GAPVD1: variants seen among roughly 807,000 people sequenced by gnomAD.
The protein encoded by GAPVD1 is GTPase-activating protein and VPS9 domain-containing protein 1.
In GAPVD1, 35 loss-of-function variants were observed where a neutral mutation model predicts 155.5. The observed-to-expected ratio is 0.23, with a 90% CI of 0.17 to 0.30. The LOEUF (loss-of-function observed/expected upper bound fraction) is 0.30. GAPVD1 is among the 10% of genes least tolerant of loss of function. The pLI, the probability that GAPVD1 is intolerant of heterozygous loss-of-function variation, is 1.00. For missense variants in GAPVD1, 1,429 were observed against 1,775.7 expected, an observed-to-expected ratio of 0.80 and a Z score of 3.51; for synonymous variants, 636 against 619.7, an observed-to-expected ratio of 1.03 and a Z score of -0.39.
At position 125,334,270 on chromosome 9, in the gene GAPVD1, T is replaced by TAAA. The variant is rs780577226; in HGVS notation, c.2428+1661_2428+1663dup. Among the ~76,000 whole-genome samples the TAAA allele has an allele frequency of 9.6e-5, 10 of 104,444 alleles. No individual in the cohort carries two copies. The East Asian group carries it at 2.1e-3, about 22-fold the overall frequency. The allele number at this position is 104,444 out of a possible 152,430, so 68.5% of individuals were successfully genotyped here. On this transcript the variant is annotated intron_variant, in intron 15 of 27. Transcript: ENST00000297933. ...CCACACTGTATTCTTCACTCACAGT[T>TAAA]AAAAAAAAAAAAAAAAAAAAAAGTT...
chr9:125,321,600 A>G (rs763839012), intron 10 of GAPVD1, 38 bp downstream of exon 10: 9 of 1,582,324 alleles, frequency 5.7e-6, no homozygotes, highest in Non-Finnish European at 7.8e-6. Flanking sequence ...GTGTGGTTCA[A>G]TTAATAGTTT....
chr9:125,360,827 C>T (rs1357254637), intron 27 of GAPVD1, 102 bp downstream of exon 27: 1 of 842,838 alleles, frequency 1.2e-6, no homozygotes, highest in Admixed American at 2.1e-5. Flanking sequence ...TTCCAAGTCA[C>T]AAGCTCTGGG....
chr9:125,278,451 G>T (rs1423305723), intron 2 of GAPVD1, among the ~76,000 whole-genome samples: 1 of 152,130 alleles, frequency 6.6e-6, no homozygotes. Flanking sequence ...AACCTGGGAG[G>T]CGGAGGTTGC....
At chr9:125,271,422 AAAGAC>A (rs1351427078) in intron 2 of GAPVD1, among the ~76,000 whole-genome samples, 1 of 152,192 alleles carries the variant, frequency 6.6e-6, no homozygotes, top group Non-Finnish European at 1.5e-5. Context: ...CTATCAGAAA[AAAGAC>A]AAAACAAAAT....
In GAPVD1 at chr9:125,298,372, GCTTATCTGTATTTACCAATTTT is replaced by G. The variant is rs1840217295; in HGVS notation, c.-32-517_-32-496del. On this transcript the variant is annotated intron_variant, in intron 3 of 27. Coordinates refer to ENST00000297933, the MANE Select transcript of GAPVD1 (RefSeq NM_001282680.3). ...TAGCAGTGAGCTTTTTTTTCTTTTT[GCTTATCTGTATTTACCAATTTT>G]TCTATGCTGAACCTGTAATACTTCT... 5.3e-5 allele frequency among the ~76,000 whole-genome samples: 8 copies of G among 150,464 alleles called. No homozygotes were observed. The South Asian group carries it at 1.7e-3, about 31-fold the overall frequency.
chr9:125,349,481 C>A lies in GAPVD1; in HGVS notation c.3261C>A (p.Ser1087Arg). The A allele has an allele frequency of 6.2e-7, 1 of 1,614,002 alleles. No homozygotes were observed. Among genetic ancestry groups the A allele is most frequent in the Non-Finnish European group, 8.5e-7 (1 of 1,179,922 alleles). Residue 1087 changes from serine (S) to arginine (R), a missense_variant, in exon 21 of 28, where the codon AGC becomes AGA. Transcript: ENST00000297933. ...CTGATGATCTCCCAGACTCTGCAAG[C>A]CAAGCAGCCCACCCGCAGGATTCAG... ...ISADDLPDSA[S>R]QAAHPQDSAF...
At chr9:125,324,046 A>G (rs1844780775) in intron 11 of GAPVD1, 123 bp downstream of exon 11, 1 of 753,868 alleles carries the variant, frequency 1.3e-6, no homozygotes, top group Non-Finnish European at 2.2e-6. Flanking sequence ...TAAACTTAAC[A>G]TTTATTCATC....
intron 3 of GAPVD1, among the ~76,000 whole-genome samples, chr9:125,298,321 C>T (rs10986690): frequency 0.013 from 1,962 of 152,248 alleles, 103 homozygotes; most frequent in East Asian, 0.088. Flanking sequence ...ACAGGGTTTA[C>T]AGCACCTGTC....
At chr9:125,273,641 A>G (rs1315662573) in intron 2 of GAPVD1, among the ~76,000 whole-genome samples, 1 of 152,000 alleles carries the variant, frequency 6.6e-6, no homozygotes, top group East Asian at 1.9e-4. Context: ...AGTTTTTGTT[A>G]TGAGCGAGGT....
intron 8 of GAPVD1, among the ~76,000 whole-genome samples, chr9:125,311,306 C>CA (rs1192886833): frequency 6.6e-6 from 1 of 152,042 alleles, no homozygotes; most frequent in African/African-American, 2.4e-5. Context: ...TAATGCATTT[C>CA]AGGGGGGGAA....
intron 8 of GAPVD1, chr9:125,308,480 A>C (rs894432410): frequency 6.6e-5 from 10 of 152,290 alleles, no homozygotes; most frequent in African/African-American, 2.4e-4. Flanking sequence ...ATTAACAATC[A>C]GTCTTTTATC....
At chr9:125,265,818 G>A (rs1289639604) in intron 1 of GAPVD1, among the ~76,000 whole-genome samples, 4 of 147,414 alleles carry the variant, frequency 2.7e-5, no homozygotes, top group East Asian at 2.0e-4. Context: ...TATAATTTTA[G>A]CACTTTTGGA....
chr9:125,337,883 T>C (rs1450690388), intron 17 of GAPVD1, among the ~76,000 whole-genome samples: 2 of 152,220 alleles, frequency 1.3e-5, no homozygotes, highest in Non-Finnish European at 2.9e-5. Context: ...ATGAGTTGTT[T>C]TTTGTTTTTT....
At chr9:125,332,759 A>G (rs1418741391) in intron 15 of GAPVD1, 130 bp downstream of exon 15, 9 of 710,058 alleles carry the variant, frequency 1.3e-5, no homozygotes, top group Non-Finnish European at 2.1e-5. Context: ...GTATCTATTT[A>G]AGGTCTTAAA....
intron 6 of GAPVD1, among the ~76,000 whole-genome samples, chr9:125,305,357 T>C (rs1031088589): frequency 1.3e-5 from 2 of 150,170 alleles, no homozygotes; most frequent in African/African-American, 2.5e-5. Context: ...GTTAAGATTA[T>C]TTTATTTTAA....
At chr9:125,360,426 C>T (rs1403803179) in intron 26 of GAPVD1, 102 bp from the exon 27 acceptor site, 2 of 843,234 alleles carry the variant, frequency 2.4e-6, no homozygotes, top group Non-Finnish European at 3.9e-6. Flanking sequence ...GAGGAAAAAG[C>T]AACCACATTA....
chr9:125,303,771 C>T (rs1373494357), intron 5 of GAPVD1: 6 of 104,542 alleles, frequency 5.7e-5, no homozygotes, highest in East Asian at 5.0e-4. Context: ...AGCGAAACTC[C>T]GTCTCAAAAA....
chr9:125,355,049 A>G (rs1478116149), intron 24 of GAPVD1, among the ~76,000 whole-genome samples: 1 of 152,222 alleles, frequency 6.6e-6, no homozygotes, highest in Admixed American at 6.5e-5. Flanking sequence ...CTTACTTTTT[A>G]AATTGGGGAC....
chr9:125,291,540 CTTG>C (rs1247928986), intron 2 of GAPVD1, among the ~76,000 whole-genome samples: 1 of 151,954 alleles, frequency 6.6e-6, no homozygotes, highest in Non-Finnish European at 1.5e-5. Flanking sequence ...GCTTGAAAGT[CTTG>C]TTGTGGGGTC....
Sources: gnomAD v4.1 joint callset for allele counts (sites outside exome capture counted in the v4.1 genomes callset) on GRCh38, gnomAD v4.1.1 for gene constraint, MANE v1.5 for transcripts, NCBI Gene and HGNC (gene_info 2026-07-23, HGNC 2026-07-21) for gene names.